The following SETBP1 variants were observed in gnomAD, a reference collection of about 807,000 sequenced individuals.
SETBP1 encodes the protein SET-binding protein.
In SETBP1, 9 loss-of-function variants were observed where a neutral mutation model predicts 101.0. That is an observed-to-expected ratio of 0.09 (90% CI 0.05 to 0.16). The LOEUF (loss-of-function observed/expected upper bound fraction) is 0.16, where lower values mean the gene tolerates loss of function less well. Ranked by LOEUF, SETBP1 falls within the 10% of genes least tolerant of loss-of-function variation. SETBP1 has a pLI of 1.00. For synonymous variants in SETBP1, 818 were observed against 788.5 expected (o/e 1.04, Z -0.63); for missense variants, 1,858 against 2,033.8 (o/e 0.91, Z 1.66).
At chr18:45,036,331 T>G (rs1283770253) in intron 4 of SETBP1, among the ~76,000 whole-genome samples, 1 of 115,796 alleles carries the variant, frequency 8.6e-6, no homozygotes, top group Non-Finnish European at 1.7e-5. Context: ...AGACTCTGTC[T>G]CAAAAAAAAA....
At chr18:44,683,459 G>A (rs2068791257) in intron 1 of SETBP1, among the ~76,000 whole-genome samples, 1 of 152,184 alleles carries the variant, frequency 6.6e-6, no homozygotes, top group East Asian at 1.9e-4. Context: ...AAATAAATAG[G>A]TAGGTACTTT....
chr18:44,906,825 A>AACCC (rs981085436), intron 3 of SETBP1, among the ~76,000 whole-genome samples: 2 of 152,118 alleles, frequency 1.3e-5, no homozygotes, highest in Admixed American at 6.5e-5. Flanking sequence ...AATGCTCTTA[A>AACCC]ACCCTTTTTT....
intron 2 of SETBP1, among the ~76,000 whole-genome samples, chr18:44,820,425 T>C (rs922205683): frequency 3.3e-5 from 5 of 152,168 alleles, no homozygotes; most frequent in African/African-American, 1.2e-4. Context: ...CTGCTGGTCC[T>C]CTATGTGGGC....
At position 45,010,347 on chromosome 18, in the gene SETBP1, T is replaced by C. The variant is rs144927040; in HGVS notation, c.4001-28138T>C. Among the ~76,000 whole-genome samples, 489 of 152,368 alleles carry C rather than the reference T, an allele frequency of 3.2e-3. 9 individuals are homozygous for C. Among genetic ancestry groups the C allele is most frequent in the Admixed American group, 0.028 (434 of 15,302 alleles). ...ATTCTTCTCAATTTAGGAGGAAGCA[T>C]AGGCCTGGGAAATTCCTAAAAGCTG... On this transcript the variant is annotated intron_variant, in intron 4 of 5. Coordinates refer to ENST00000649279, the MANE Select transcript of SETBP1 (RefSeq NM_015559.3).
intron 2 of SETBP1, among the ~76,000 whole-genome samples, chr18:44,863,936 T>G (rs938199567): frequency 2.0e-5 from 3 of 152,142 alleles, no homozygotes; most frequent in Admixed American, 1.3e-4. Context: ...ATGTTCAGCA[T>G]GACCCACACC....
chr18:44,757,133 G>T (rs1203627109), intron 2 of SETBP1, among the ~76,000 whole-genome samples: 1 of 152,026 alleles, frequency 6.6e-6, no homozygotes, highest in Non-Finnish European at 1.5e-5. Flanking sequence ...GAGCCCCTAT[G>T]ATATTGTCAA....
chr18:44,938,794 G>C (rs1478378673), intron 3 of SETBP1, among the ~76,000 whole-genome samples: 2 of 152,174 alleles, frequency 1.3e-5, no homozygotes, highest in African/African-American at 2.4e-5. Flanking sequence ...CTGTCTTCTT[G>C]ATTCGGGCTC....
At chr18:44,916,289 T>A (rs2144907726) in intron 3 of SETBP1, among the ~76,000 whole-genome samples, 1 of 152,294 alleles carries the variant, frequency 6.6e-6, no homozygotes, top group Non-Finnish European at 1.5e-5. Flanking sequence ...TTGATGCTAC[T>A]CTTAGTCCAA....
chr18:44,756,496 G>A (rs2070498971), intron 2 of SETBP1, among the ~76,000 whole-genome samples: 3 of 152,190 alleles, frequency 2.0e-5, no homozygotes, highest in Admixed American at 6.5e-5. Flanking sequence ...AGGGCTGGAC[G>A]CAAAGGGCAG....
In SETBP1 at chr18:44,919,409, G is replaced by C. The variant is rs567988329; in HGVS notation, c.541-30472G>C. On this transcript the variant is annotated intron_variant, in intron 3 of 5. Coordinates refer to ENST00000649279, the MANE Select transcript of SETBP1 (RefSeq NM_015559.3). Reference sequence around the variant, plus strand: ...TCACCAGGCAGGCTGGAGTGCAATGGCACAATCTCGGCTGACTGCAACCTC... The same window carrying C: ...TCACCAGGCAGGCTGGAGTGCAATGCCACAATCTCGGCTGACTGCAACCTC... Among the ~76,000 whole-genome samples, 7 of 151,340 alleles carry C rather than the reference G, an allele frequency of 4.6e-5. No individual in the cohort carries two copies. The South Asian group carries it at 1.5e-3, about 32-fold the overall frequency.
chr18:44,927,338 GGCGCCAGT>G (rs1481266386), intron 3 of SETBP1, among the ~76,000 whole-genome samples: 7 of 152,168 alleles, frequency 4.6e-5, no homozygotes, highest in African/African-American at 7.2e-5. Flanking sequence ...CCCACAGACA[GGCGCCAGT>G]GCTCATCATT....
chr18:44,858,492 G>A (rs2073018786), intron 2 of SETBP1, among the ~76,000 whole-genome samples: 1 of 152,182 alleles, frequency 6.6e-6, no homozygotes. Flanking sequence ...CAAATAACCT[G>A]ATTTAATGTC....
intron 2 of SETBP1, among the ~76,000 whole-genome samples, chr18:44,713,425 A>G (rs1224118826): frequency 6.6e-6 from 1 of 152,138 alleles, no homozygotes; most frequent in African/African-American, 2.4e-5. Context: ...TATAGCCTAG[A>G]TATTTCCAGT....
At chr18:44,787,154 A>G (rs370726216) in intron 2 of SETBP1, among the ~76,000 whole-genome samples, 26 of 152,214 alleles carry the variant, frequency 1.7e-4, no homozygotes, top group African/African-American at 6.3e-4. Context: ...TTTATTTATG[A>G]GGAACTGAGC....
chr18:44,817,371 G>A (rs528518361), intron 2 of SETBP1, among the ~76,000 whole-genome samples: 3 of 152,122 alleles, frequency 2.0e-5, no homozygotes, highest in African/African-American at 7.2e-5. Flanking sequence ...CCACCTCCAC[G>A]CAGAACACAG....
At chr18:44,945,482 A>G (rs1041560501) in intron 3 of SETBP1, among the ~76,000 whole-genome samples, 4 of 152,194 alleles carry the variant, frequency 2.6e-5, no homozygotes, top group African/African-American at 9.7e-5. Context: ...CCTAGGCTCA[A>G]TGTACATGGA....
At chr18:45,037,941 G>A (rs1175062613) in intron 4 of SETBP1, among the ~76,000 whole-genome samples, 1 of 152,126 alleles carries the variant, frequency 6.6e-6, no homozygotes, top group Non-Finnish European at 1.5e-5. Context: ...CATCCTTGAA[G>A]CTTCAGCATG....
Position 45,048,265 on chromosome 18 carries a change from A to G in SETBP1, c.4171+9610A>G, listed in dbSNP as rs1599493077. Among the ~76,000 whole-genome samples the G allele has an allele frequency of 2.0e-5, 3 of 152,332 alleles. No individual in the cohort carries two copies. The East Asian group carries it at 5.8e-4, about 29-fold the overall frequency. The stretch of plus-strand genomic sequence containing the variant: ...GAGTTCTAGTTTTCTCATCAATGAA[A>G]TGAGAAAAGTGATTTCTGCCTTCTA... On this transcript the variant is annotated intron_variant, in intron 5 of 5. Transcript: ENST00000649279.
intron 4 of SETBP1, among the ~76,000 whole-genome samples, chr18:45,020,258 T>TAAAAAAA (rs57134217): frequency 2.8e-4 from 15 of 53,084 alleles, no homozygotes; most frequent in South Asian, 7.5e-4. Context: ...GACTCTGTCT[T>TAAAAAAA]AAAAAAAAAA....
Sources: allele counts gnomAD v4.1 joint callset (sites outside exome capture counted in the v4.1 genomes callset), GRCh38; gene constraint gnomAD v4.1.1; transcripts MANE v1.5; gene names NCBI Gene and HGNC (gene_info 2026-07-23, HGNC 2026-07-21).